The following CD9 variants were observed in gnomAD, a reference collection of about 807,000 sequenced individuals.
CD9 encodes CD9 antigen.
A neutral mutation model predicts 31.4 loss-of-function variants in CD9; 10 were observed. That is an observed-to-expected ratio of 0.32 (90% CI 0.20 to 0.54). The LOEUF (loss-of-function observed/expected upper bound fraction) is 0.54, where lower values mean the gene tolerates loss of function less well. Among genes scored for constraint, CD9 ranks in the 20% least tolerant of loss-of-function variants. The pLI is 0.94. For synonymous variants in CD9, 113 were observed against 114.1 expected, an observed-to-expected ratio of 0.99 and a Z score of 0.06; for missense variants, 259 against 300.1, an observed-to-expected ratio of 0.86 and a Z score of 1.01.
chr12:6,209,190 C>T (rs1023498055), intron 1 of CD9, among the ~76,000 whole-genome samples: 1 of 152,032 alleles, frequency 6.6e-6, no homozygotes, highest in Admixed American at 6.6e-5. Context: ...GCTGGTCTCA[C>T]CTCAGGTGAT....
chr12:6,220,720 T>C (rs1267984447), intron 1 of CD9, among the ~76,000 whole-genome samples: 1 of 152,214 alleles, frequency 6.6e-6, no homozygotes, highest in Non-Finnish European at 1.5e-5. Flanking sequence ...ATTATTGTTT[T>C]ATACACTTTG....
Position 6,232,882 on chromosome 12 carries a change from G to A in CD9, c.273+153G>A, listed in dbSNP as rs1946467000. The A allele has an allele frequency of 2.3e-5, 16 of 706,528 alleles. No homozygotes were observed. The highest frequency in any genetic ancestry group is 1.3e-4 in the South Asian group (9 of 67,684). 43.8% of individuals were successfully genotyped at this position (706,528 alleles called of 1,614,324 possible). A position where few individuals can be genotyped will look rare whatever the true frequency, so the allele number is the denominator to read the frequency against. ...CTGTCCTCAGCCTGGGCCCCTCCCC[G>A]ATGTGAGGCGTCGCCCCTCTTCCTT... On this transcript the variant is annotated intron_variant, in intron 3 of 7. Transcript: ENST00000009180. This position sits in a 1 kb window ranked among gnomAD's most constrained non-coding sequence, Gnocchi z 4.8.
At chr12:6,210,671 G>A (rs4764485) in intron 1 of CD9, among the ~76,000 whole-genome samples, 60,593 of 151,836 alleles carry the variant, frequency 0.4, 12,623 homozygotes, top group Admixed American at 0.52. Flanking sequence ...GAATGGGGGG[G>A]AAACAGGCAA....
At chr12:6,222,980 A>G (rs545019790) in intron 1 of CD9, among the ~76,000 whole-genome samples, 148 of 152,328 alleles carry the variant, frequency 9.7e-4, no homozygotes, top group Non-Finnish European at 1.9e-3. Flanking sequence ...CTTGGGAGAT[A>G]ATTGCTTGAT....
At chr12:6,235,871 T>C (rs558426703) in intron 6 of CD9, 345 of 1,368,152 alleles carry the variant, frequency 2.5e-4, no homozygotes, top group Non-Finnish European at 3.2e-4. Flanking sequence ...CAGTGGCTCC[T>C]GTCTGTAAGC....
chr12:6,235,917 GACCTTACA>G, intron 6 of CD9: 1 of 1,376,876 alleles, frequency 7.3e-7, no homozygotes, highest in Non-Finnish European at 9.4e-7. Context: ...AGTAAAAGGT[GACCTTACA>G]ACCATGTCAG....
At chr12:6,209,700 T>C (rs1450204991) in intron 1 of CD9, among the ~76,000 whole-genome samples, 4 of 144,568 alleles carry the variant, frequency 2.8e-5, no homozygotes, top group Non-Finnish European at 4.5e-5. Context: ...TTTTTTTTTT[T>C]CTGAGATGGA....
intron 1 of CD9, among the ~76,000 whole-genome samples, chr12:6,212,939 G>T (rs1946207420): frequency 1.3e-5 from 2 of 152,128 alleles, no homozygotes; most frequent in South Asian, 2.1e-4. Flanking sequence ...GCTGGGGTTG[G>T]GGGGAGTGGG....
chr12:6,229,046 C>A (rs914369030), intron 2 of CD9, among the ~76,000 whole-genome samples: 1 of 152,230 alleles, frequency 6.6e-6, no homozygotes, highest in Admixed American at 6.5e-5. Context: ...AGCTGACAGC[C>A]TTATATGGGC....
chr12:6,236,184 T>C lies in CD9; in HGVS notation c.538-8T>C. Reference sequence around the variant, plus strand: ...TGTGTGACCCAGGTCTTGGTTTGTCTCCCCAAGTCCTGTCCTGATGCCATC... The same window carrying C: ...TGTGTGACCCAGGTCTTGGTTTGTCCCCCCAAGTCCTGTCCTGATGCCATC... On this transcript the variant is annotated splice_polypyrimidine_tract_variant and splice_region_variant and intron_variant, in intron 6 of 7. Transcript: ENST00000009180. 1 of 1,614,012 alleles carries C rather than the reference T, an allele frequency of 6.2e-7. No homozygotes were observed. The highest frequency in any genetic ancestry group is 8.5e-7 in the Non-Finnish European group (1 of 1,179,904).
chr12:6,216,185 A>C (rs1188077720), intron 1 of CD9, among the ~76,000 whole-genome samples: 2 of 152,236 alleles, frequency 1.3e-5, no homozygotes, highest in African/African-American at 4.8e-5. Flanking sequence ...CCCAGAGCCC[A>C]CAGGTCTGGG....
intron 1 of CD9, among the ~76,000 whole-genome samples, chr12:6,223,828 C>G (rs1018128020): frequency 6.6e-6 from 1 of 152,174 alleles, no homozygotes; most frequent in African/African-American, 2.4e-5. Context: ...TCTCCCCAAC[C>G]AAACAGTGAT....
chr12:6,203,133 A>G (rs1316279388), intron 1 of CD9, among the ~76,000 whole-genome samples: 1 of 152,190 alleles, frequency 6.6e-6, no homozygotes, highest in Non-Finnish European at 1.5e-5. Flanking sequence ...AGCAGGAAGC[A>G]TTGTCCCCAC....
chr12:6,219,050 G>A (rs928029631), intron 1 of CD9, among the ~76,000 whole-genome samples: 19 of 152,288 alleles, frequency 1.2e-4, no homozygotes, highest in African/African-American at 4.3e-4. Flanking sequence ...GTGTCACCCA[G>A]GCTGGAGTGC....
chr12:6,235,004 A>G (rs924116582), intron 4 of CD9, among the ~76,000 whole-genome samples: 2 of 152,194 alleles, frequency 1.3e-5, no homozygotes, highest in African/African-American at 4.8e-5. Flanking sequence ...GGACAGGGAG[A>G]AACAGCCCGA....
At chr12:6,203,416 A>G (rs1020821911) in intron 1 of CD9, among the ~76,000 whole-genome samples, 4 of 152,202 alleles carry the variant, frequency 2.6e-5, no homozygotes, top group Non-Finnish European at 5.9e-5. Flanking sequence ...GTGGGCCTTG[A>G]AAAGCAGGAA....
In CD9 at chr12:6,200,438, TC is replaced by T. The variant is rs1194591356; in HGVS notation, c.-59del. 2 of 1,100,974 alleles carry T rather than the reference TC, an allele frequency of 1.8e-6. No individual in the cohort carries two copies. The highest frequency in any genetic ancestry group is 3.1e-5 in the African/African-American group (2 of 64,414). 68.2% of individuals were successfully genotyped at this position (1,100,974 alleles called of 1,614,324 possible). A position where few individuals can be genotyped will look rare whatever the true frequency, so the allele number is the denominator to read the frequency against. On this transcript the variant is annotated 5_prime_UTR_variant, in exon 1 of 8. Transcript: ENST00000009180. ...TGTATCCAGCGCCAGGTCCCGCCAG[TC>T]CCAGCTGCGCGCGCCCCCCAGTCCC...
intron 1 of CD9, among the ~76,000 whole-genome samples, chr12:6,222,091 C>T (rs1253545893): frequency 6.6e-6 from 1 of 152,182 alleles, no homozygotes; most frequent in African/African-American, 2.4e-5. Flanking sequence ...TACTTCAGAG[C>T]GCCTTAGATA....
rs1382666688 is a variant in CD9 at position 6,232,179 on chromosome 12, G to A, written c.176-453G>A. 5 of 197,564 alleles carry A rather than the reference G, an allele frequency of 2.5e-5. No homozygotes were observed. Among genetic ancestry groups the A allele is most frequent in the Non-Finnish European group, 5.3e-5 (5 of 94,804 alleles). 12.2% of individuals were successfully genotyped at this position (197,564 alleles called of 1,614,324 possible). ...GCCTAGGTGTGCACGGCCCCTTCCT[G>A]CTGGAAATCTGCTCTGACAGCGTCC... On this transcript the variant is annotated intron_variant, in intron 2 of 7. Coordinates refer to ENST00000009180, the MANE Select transcript of CD9 (RefSeq NM_001769.4). This position sits in a 1 kb window ranked among gnomAD's most constrained non-coding sequence, Gnocchi z 4.8.
Sources: allele counts gnomAD v4.1 joint callset (sites outside exome capture counted in the v4.1 genomes callset), GRCh38; gene constraint gnomAD v4.1.1; non-coding constraint Gnocchi (gnomAD v3.1); transcripts MANE v1.5; gene names NCBI Gene and HGNC (gene_info 2026-07-23, HGNC 2026-07-21).